UNC5C: variants seen among roughly 807,000 people sequenced by gnomAD.
UNC5C encodes the protein netrin receptor UNC5C.
A neutral mutation model predicts 99.8 loss-of-function variants in UNC5C; 47 were observed. That is an observed-to-expected ratio of 0.47 (90% CI 0.37 to 0.60). UNC5C has a LOEUF of 0.60. UNC5C is among the 20% of genes least tolerant of loss of function. The pLI is 0.00. For missense variants in UNC5C, 1,062 were observed against 1,165.9 expected, an observed-to-expected ratio of 0.91 and a Z score of 1.30; for synonymous variants, 487 against 452.2, an observed-to-expected ratio of 1.08 and a Z score of -0.98.
At chr4:95,418,082 A>G (rs1400543138) in intron 1 of UNC5C, among the ~76,000 whole-genome samples, 3 of 152,198 alleles carry the variant, frequency 2.0e-5, no homozygotes, top group Non-Finnish European at 4.4e-5. Context: ...TTAGCGAATG[A>G]GCAAAAAGTC....
At chr4:95,301,077 C>A (rs1306807651) in intron 3 of UNC5C, among the ~76,000 whole-genome samples, 2 of 151,550 alleles carry the variant, frequency 1.3e-5, no homozygotes, top group African/African-American at 4.9e-5. Context: ...TATACACCTA[C>A]TATGTACCCA....
intron 1 of UNC5C, among the ~76,000 whole-genome samples, chr4:95,392,622 G>A (rs1341828513): frequency 6.6e-6 from 1 of 150,720 alleles, no homozygotes; most frequent in Non-Finnish European, 1.5e-5. Context: ...TTTTTTTTTA[G>A]AGATGAGAGA....
At chr4:95,201,621 T>C (rs1380732179) in intron 12 of UNC5C, among the ~76,000 whole-genome samples, 1 of 151,526 alleles carries the variant, frequency 6.6e-6, no homozygotes, top group African/African-American at 2.4e-5. Context: ...TTTTTTTTTT[T>C]CAGACAGAGT....
At chr4:95,327,545 A>C (rs1742935714) in intron 2 of UNC5C, among the ~76,000 whole-genome samples, 1 of 152,098 alleles carries the variant, frequency 6.6e-6, no homozygotes, top group African/African-American at 2.4e-5. Flanking sequence ...TATACATGGA[A>C]GCATATCACA....
At chr4:95,230,022 G>T (rs1302995178) in intron 7 of UNC5C, among the ~76,000 whole-genome samples, 1 of 151,786 alleles carries the variant, frequency 6.6e-6, no homozygotes, top group Non-Finnish European at 1.5e-5. Flanking sequence ...TGTTGGCCAG[G>T]CTGGTCTCGA....
intron 14 of UNC5C, 124 bp downstream of exon 14, chr4:95,182,773 G>A: frequency 1.0e-6 from 1 of 998,662 alleles, no homozygotes; most frequent in East Asian, 2.5e-5. Context: ...TAACAAATAG[G>A]ATCTATAGAA....
intron 7 of UNC5C, among the ~76,000 whole-genome samples, chr4:95,241,675 T>C (rs1455679429): frequency 6.6e-6 from 1 of 152,078 alleles, no homozygotes; most frequent in Non-Finnish European, 1.5e-5. Flanking sequence ...TTTATGGTCA[T>C]GAAAAGAGAT....
chr4:95,164,661 T>TG lies in UNC5C; in HGVS notation c.*4572dup, dbSNP rs1397219929. 6.6e-6 allele frequency: 1 copy of TG among 152,226 alleles called. No homozygotes were observed. Among genetic ancestry groups the TG allele is most frequent in the Non-Finnish European group, 1.5e-5 (1 of 68,044 alleles). The allele number at this position is 152,226 out of a possible 1,614,324, so 9.4% of individuals were successfully genotyped here. On this transcript the variant is annotated 3_prime_UTR_variant, in exon 16 of 16. Coordinates refer to ENST00000453304, the MANE Select transcript of UNC5C (RefSeq NM_003728.4). ...GCTTATCAACCATTATCTTGAGCAA[T>TG]GATGTACTGCTTCACAAAAGCTCTT...
chr4:95,336,332 A>T (rs776166899), intron 1 of UNC5C, among the ~76,000 whole-genome samples: 9 of 151,916 alleles, frequency 5.9e-5, no homozygotes, highest in Non-Finnish European at 1.3e-4. Flanking sequence ...TCTTTCCAAC[A>T]CACCATAAAT....
chr4:95,182,690 A>AAAAGG (rs1439100966), intron 14 of UNC5C, among the ~76,000 whole-genome samples: 1 of 152,178 alleles, frequency 6.6e-6, no homozygotes, highest in Non-Finnish European at 1.5e-5. Context: ...TTGTTTTTCA[A>AAAAGG]AAAGGATCCC....
rs370467701 is a variant in UNC5C, at chr4:95,304,398, C to T, written c.347-2649G>A. ...CTAACTAATGTAACAATCCTCTCAG[C>T]AACAATCCTAGGCCATTAACAAATA... On this transcript the variant is annotated intron_variant, in intron 2 of 15. Coordinates refer to ENST00000453304, the MANE Select transcript of UNC5C (RefSeq NM_003728.4). 1.8e-4 allele frequency among the ~76,000 whole-genome samples: 27 copies of T among 152,288 alleles called. No individual in the cohort carries two copies. The South Asian group carries it at 4.8e-3, about 27-fold the overall frequency.
chr4:95,245,190 GCACAA>G, intron 5 of UNC5C, 46 bp from the exon 6 acceptor site: 1 of 1,559,258 alleles, frequency 6.4e-7, no homozygotes, highest in Non-Finnish European at 8.7e-7. Flanking sequence ...ATGTGTGCAT[GCACAA>G]CACACATGGA....
At chr4:95,486,727 G>C (rs142627808) in intron 1 of UNC5C, among the ~76,000 whole-genome samples, 30 of 151,512 alleles carry the variant, frequency 2.0e-4, no homozygotes, top group African/African-American at 5.3e-4. Context: ...CCCATCATTT[G>C]ATTTTGATGC....
Position 95,200,415 on chromosome 4 carries a change from C to T in UNC5C, c.2136+2316G>A, listed in dbSNP as rs190717942. Among the ~76,000 whole-genome samples, 16 of 152,320 alleles carry T rather than the reference C, an allele frequency of 1.1e-4. No individual in the cohort carries two copies. In the East Asian group the frequency reaches 3.1e-3, roughly 29 times the overall value. ...GTCTTCAAGCAACTTTGCTTAGGGG[C>T]AGAGCAGCCAGGCTGCAGCCAGTTG... On this transcript the variant is annotated intron_variant, in intron 12 of 15. Coordinates refer to ENST00000453304, the MANE Select transcript of UNC5C (RefSeq NM_003728.4).
chr4:95,248,733 ACCATAATGGTCTGTT>A (rs1216268347), intron 5 of UNC5C: 2 of 357,560 alleles, frequency 5.6e-6, no homozygotes, highest in Non-Finnish European at 1.1e-5. Context: ...GACTTCATAT[ACCATAATGGTCTGTT>A]CCATAAGGTT....
At chr4:95,548,192 C>T (rs1415102496) in intron 1 of UNC5C, among the ~76,000 whole-genome samples, 2 of 152,160 alleles carry the variant, frequency 1.3e-5, no homozygotes, top group Middle Eastern at 6.8e-3. Context: ...GCGAGGGGGA[C>T]GGGTGCTTTT....
chr4:95,295,199 A>G (rs2149401629), intron 3 of UNC5C, among the ~76,000 whole-genome samples: 1 of 152,338 alleles, frequency 6.6e-6, no homozygotes, highest in African/African-American at 2.4e-5. Flanking sequence ...TCAGCCTGTA[A>G]CAAGAGACAC....
Position 95,373,810 on chromosome 4 carries a change from T to C in UNC5C, c.125-38179A>G, listed in dbSNP as rs138228987. The stretch of plus-strand genomic sequence containing the variant: ...CGAGCTTCCATTAATGTCCCTCTGA[T>C]GTTGAACTATGTTATGCTTCAAAAT... On this transcript the variant is annotated intron_variant, in intron 1 of 15. Coordinates refer to ENST00000453304, the MANE Select transcript of UNC5C (RefSeq NM_003728.4). Among the ~76,000 whole-genome samples the C allele has an allele frequency of 7.3e-3, 1,113 of 152,302 alleles. 16 individuals carry two copies. The highest frequency in any genetic ancestry group is 0.025 in the African/African-American group (1,047 of 41,576).
intron 2 of UNC5C, among the ~76,000 whole-genome samples, chr4:95,330,908 A>C (rs1423010118): frequency 6.6e-6 from 1 of 152,048 alleles, no homozygotes; most frequent in Non-Finnish European, 1.5e-5. Context: ...TGGGGTATCC[A>C]TCACCTGAAT....
Sources: gnomAD v4.1 joint callset for allele counts (sites outside exome capture counted in the v4.1 genomes callset) on GRCh38, gnomAD v4.1.1 for gene constraint, MANE v1.5 for transcripts, NCBI Gene and HGNC (gene_info 2026-07-23, HGNC 2026-07-21) for gene names.